Variants in AKAP13 observed in about 807,000 individuals in gnomAD.
AKAP13 encodes the protein A-kinase anchoring protein 13.
In AKAP13, 80 loss-of-function variants were observed where a neutral mutation model predicts 264.5. That is an observed-to-expected ratio of 0.30 (90% confidence interval 0.25 to 0.36). The LOEUF is 0.36. AKAP13 is among the 10% of genes least tolerant of loss of function. The pLI, the probability that AKAP13 is intolerant of heterozygous loss-of-function variation, is 1.00. For missense variants in AKAP13, 3,712 were observed against 3,435.2 expected, an observed-to-expected ratio of 1.08 and a Z score of -2.01; for synonymous variants, 1,380 against 1,250.2, an observed-to-expected ratio of 1.10 and a Z score of -2.19.
At chr15:85,496,142 G>C (rs2151080951) in intron 2 of AKAP13, among the ~76,000 whole-genome samples, 1 of 152,224 alleles carries the variant, frequency 6.6e-6, no homozygotes, top group Middle Eastern at 3.4e-3. Context: ...TTACAGCCAG[G>C]GTGGATGGTA....
chr15:85,442,495 A>T (rs1395616307), intron 1 of AKAP13, among the ~76,000 whole-genome samples: 22 of 107,898 alleles, frequency 2.0e-4, no homozygotes, highest in African/African-American at 7.2e-4. Context: ...TATATAATAT[A>T]TATTATATTA....
At chr15:85,513,283 C>A (rs1011464081) in intron 2 of AKAP13, among the ~76,000 whole-genome samples, 1 of 152,142 alleles carries the variant, frequency 6.6e-6, no homozygotes, top group African/African-American at 2.4e-5. Context: ...GCTTTCTTCA[C>A]ATCTGTATTG....
chr15:85,440,999 A>G (rs187121748), intron 1 of AKAP13, among the ~76,000 whole-genome samples: 3 of 152,310 alleles, frequency 2.0e-5, no homozygotes, highest in Non-Finnish European at 4.4e-5. Flanking sequence ...AAACAAACTG[A>G]TGTCATTGGT....
intron 14 of AKAP13, chr15:85,677,079 T>TGAG (rs1423311959): frequency 6.1e-6 from 6 of 985,288 alleles, no homozygotes; most frequent in Non-Finnish European, 7.2e-6. Flanking sequence ...ATTCGAGTGA[T>TGAG]GAGGAGGAGG....
intron 10 of AKAP13, among the ~76,000 whole-genome samples, chr15:85,653,297 C>A (rs1348785247): frequency 6.6e-6 from 1 of 152,112 alleles, no homozygotes; most frequent in Non-Finnish European, 1.5e-5. Context: ...GATTGAGATA[C>A]CAGAATAGGG....
chr15:85,639,049 C>G (rs975487795), intron 8 of AKAP13, among the ~76,000 whole-genome samples: 18 of 152,148 alleles, frequency 1.2e-4, no homozygotes, highest in African/African-American at 4.3e-4. Context: ...ATGAGCCACA[C>G]CAAATATGTA....
intron 8 of AKAP13, among the ~76,000 whole-genome samples, chr15:85,602,842 T>A (rs1036851747): frequency 6.6e-6 from 1 of 152,194 alleles, no homozygotes; most frequent in African/African-American, 2.4e-5. Flanking sequence ...AATCCTACAT[T>A]GGTCATTTGG....
chr15:85,455,460 C>A (rs1288121080), intron 1 of AKAP13, among the ~76,000 whole-genome samples: 1 of 152,236 alleles, frequency 6.6e-6, no homozygotes, highest in Middle Eastern at 3.4e-3. Context: ...GAAGCACAGA[C>A]AAAAGCATGA....
chr15:85,415,461 G>T, intron 1 of AKAP13: 3 of 1,600,344 alleles, frequency 1.9e-6, no homozygotes, highest in Non-Finnish European at 2.6e-6. Flanking sequence ...AACCACAGCT[G>T]ATGGCAGAAA....
At chr15:85,527,238 C>T (rs2077094613) in intron 3 of AKAP13, among the ~76,000 whole-genome samples, 1 of 152,162 alleles carries the variant, frequency 6.6e-6, no homozygotes, top group African/African-American at 2.4e-5. Flanking sequence ...GCTGGGATTA[C>T]AAGCGTGAGC....
rs338527 is a variant in AKAP13 at position 85,718,428 on chromosome 15, T to G, written c.6001+269T>G. On this transcript the variant is annotated intron_variant, in intron 22 of 36. Transcript: ENST00000394518. The surrounding 1 kb of genome is among the most constrained non-coding windows in gnomAD (Gnocchi z 4.9). ...TCCTAGAAAGAGATATCTCAGTTTT[T>G]TTCCTTACCTACACTAAAAACTAGA... Among the ~76,000 whole-genome samples the G allele has an allele frequency of 0.42, 64,553 of 151,918 alleles. 14,731 individuals carry two copies. The highest frequency in any genetic ancestry group is 0.6 in the African/African-American group (24,950 of 41,402).
chr15:85,733,895 G>C (rs1050704927), intron 30 of AKAP13, among the ~76,000 whole-genome samples: 4 of 20,722 alleles, frequency 1.9e-4, no homozygotes, highest in African/African-American at 6.6e-4. Flanking sequence ...TTTTTTTTTT[G>C]AGACAGAGTT....
chr15:85,465,183 A>C (rs920220641), intron 1 of AKAP13, among the ~76,000 whole-genome samples: 1 of 146,158 alleles, frequency 6.8e-6, no homozygotes, highest in Non-Finnish European at 1.5e-5. Flanking sequence ...CGATCTCCTG[A>C]CCTTGTGATC....
At position 85,718,805 on chromosome 15, in the gene AKAP13, C is replaced by T. The variant is rs907895384; in HGVS notation, c.6002-271C>T. The T allele has an allele frequency of 1.0e-5, 4 of 397,694 alleles. No homozygotes were observed. The highest frequency in any genetic ancestry group is 4.1e-5 in the African/African-American group (2 of 48,488). The allele number at this position is 397,694 out of a possible 1,614,324, so 24.6% of individuals were successfully genotyped here. On this transcript the variant is annotated intron_variant, in intron 22 of 36. Coordinates refer to ENST00000394518, the MANE Select transcript of AKAP13 (RefSeq NM_007200.5). This position sits in a 1 kb window ranked among gnomAD's most constrained non-coding sequence, Gnocchi z 4.9. ...GCCCCAGCTGCTCGAGAGGCTAAAG[C>T]AGAAAGATCGCTTGAGCCCAGGAGG...
At chr15:85,436,407 G>A (rs1320682323) in intron 1 of AKAP13, among the ~76,000 whole-genome samples, 6 of 130,140 alleles carry the variant, frequency 4.6e-5, no homozygotes, top group East Asian at 4.7e-4. Flanking sequence ...AGACAGATCA[G>A]CGAGACAGAA....
intron 1 of AKAP13, chr15:85,415,763 A>G (rs2072214644): frequency 1.7e-6 from 1 of 598,226 alleles, no homozygotes; most frequent in African/African-American, 1.9e-5. Context: ...TATCCCAAAC[A>G]TTTTACATAC....
At chr15:85,607,019 G>A (rs745871042) in intron 8 of AKAP13, among the ~76,000 whole-genome samples, 2 of 150,914 alleles carry the variant, frequency 1.3e-5, no homozygotes, top group East Asian at 1.9e-4. Flanking sequence ...AATATCTGTC[G>A]TTTCTTCTTT....
intron 8 of AKAP13, among the ~76,000 whole-genome samples, chr15:85,592,040 C>T (rs1442967857): frequency 2.1e-5 from 3 of 140,806 alleles, no homozygotes; most frequent in Non-Finnish European, 4.5e-5. Flanking sequence ...AAATCAGAAC[C>T]ATGATCTTTT....
chr15:85,414,815 T>C (rs916623949), intron 1 of AKAP13, among the ~76,000 whole-genome samples: 1 of 152,238 alleles, frequency 6.6e-6, no homozygotes, highest in Non-Finnish European at 1.5e-5. Context: ...TAATGCCTTC[T>C]CTTGTCTTAG....
Sources: allele counts gnomAD v4.1 joint callset (sites outside exome capture counted in the v4.1 genomes callset), GRCh38; gene constraint gnomAD v4.1.1; non-coding constraint Gnocchi (gnomAD v3.1); transcripts MANE v1.5; gene names NCBI Gene and HGNC (gene_info 2026-07-23, HGNC 2026-07-21).